Variants in COL24A1 observed in about 807,000 individuals in gnomAD.
COL24A1 encodes collagen type XXIV alpha 1 chain.
In COL24A1, 224 loss-of-function variants were observed where a neutral mutation model predicts 253.9. The ratio of observed to expected loss-of-function variants is 0.88; its 90% CI spans 0.79 to 0.99. The LOEUF is 0.99. Ranked by LOEUF, COL24A1 falls within the 50% of genes least tolerant of loss-of-function variation. COL24A1 has a pLI of 0.00. For missense variants in COL24A1, 2,131 were observed against 2,068.5 expected, an observed-to-expected ratio of 1.03 and a Z score of -0.59; for synonymous variants, 685 against 673.7, an observed-to-expected ratio of 1.02 and a Z score of -0.26.
At chr1:85,911,132 A>G (rs1685319792) in intron 25 of COL24A1, among the ~76,000 whole-genome samples, 1 of 152,016 alleles carries the variant, frequency 6.6e-6, no homozygotes, top group Non-Finnish European at 1.5e-5. Context: ...TTTTCTAGTC[A>G]GAAATCTAGA....
chr1:85,833,253 G>A (rs1675559643), intron 43 of COL24A1, among the ~76,000 whole-genome samples: 1 of 152,100 alleles, frequency 6.6e-6, no homozygotes, highest in Non-Finnish European at 1.5e-5. Flanking sequence ...AATCTACAAT[G>A]AACTCAAGCA....
intron 24 of COL24A1, among the ~76,000 whole-genome samples, chr1:85,926,642 G>T (rs1166820352): frequency 6.6e-6 from 1 of 150,542 alleles, no homozygotes; most frequent in African/African-American, 2.4e-5. Context: ...ACAGGGCGGG[G>T]AACATCACAC....
At chr1:86,003,553 CT>C in intron 19 of COL24A1, among the ~76,000 whole-genome samples, 1 of 152,192 alleles carries the variant, frequency 6.6e-6, no homozygotes. Context: ...GTTGGGTCAG[CT>C]TGGTAGGCAG....
chr1:85,730,784 T>A, intron 59 of COL24A1, 92 bp from the exon 60 acceptor site: 1 of 1,338,836 alleles, frequency 7.5e-7, no homozygotes. Context: ...GAACTTGTTT[T>A]AAGGATTAGA....
chr1:85,902,418 G>A (rs1644633495), intron 28 of COL24A1, among the ~76,000 whole-genome samples: 1 of 152,106 alleles, frequency 6.6e-6, no homozygotes, highest in Non-Finnish European at 1.5e-5. Flanking sequence ...CCCTAGAAAT[G>A]TTTACCACTT....
At chr1:85,908,762 C>T (rs1685086220) in intron 26 of COL24A1, 111 bp from the exon 27 acceptor site, 1 of 454,374 alleles carries the variant, frequency 2.2e-6, no homozygotes. Flanking sequence ...TAATTTGACA[C>T]AATGTTTCTT....
chr1:85,910,128 C>A (rs1685225360), intron 25 of COL24A1, 125 bp from the exon 26 acceptor site: 3 of 555,480 alleles, frequency 5.4e-6, no homozygotes, highest in Non-Finnish European at 6.0e-6. Flanking sequence ...ATTTTTATTT[C>A]CAATAATTTT....
chr1:85,874,792 C>T (rs146564059), intron 34 of COL24A1, 90 bp from the exon 35 acceptor site: 321 of 1,405,438 alleles, frequency 2.3e-4, no homozygotes, highest in African/African-American at 2.1e-3. Flanking sequence ...AGTTCCCCAA[C>T]GCCTGGGCCG....
chr1:85,902,655 G>T (rs72712712), intron 28 of COL24A1, among the ~76,000 whole-genome samples: 3,464 of 152,248 alleles, frequency 0.023, 73 homozygotes, highest in South Asian at 0.092. Flanking sequence ...AATGGGGGCT[G>T]GAGGTGATCT....
At chr1:86,099,271 A>G (rs1294504117) in intron 5 of COL24A1, among the ~76,000 whole-genome samples, 1 of 152,224 alleles carries the variant, frequency 6.6e-6, no homozygotes, top group African/African-American at 2.4e-5. Context: ...AGGAAACTTT[A>G]TAACTTTAAA....
rs114074662 is a variant in COL24A1 at position 85,979,166 on chromosome 1, A to C, written c.2365-7773T>G. ...ACGATAATAGTGACACAACCTATGAAAACCACTGGGATACGGCAAAAGCAG... is the reference window on the plus strand; with the variant it reads ...ACGATAATAGTGACACAACCTATGACAACCACTGGGATACGGCAAAAGCAG... On this transcript the variant is annotated intron_variant, in intron 20 of 59. Coordinates refer to ENST00000370571, the MANE Select transcript of COL24A1 (RefSeq NM_152890.7). Among the ~76,000 whole-genome samples, 382 of 152,300 alleles carry C rather than the reference A, an allele frequency of 2.5e-3. 1 individual carries two copies. The highest frequency in any genetic ancestry group is 7.9e-3 in the African/African-American group (327 of 41,574).
rs756497281 is a variant in COL24A1 at position 85,971,355 on chromosome 1, ACCAGGAGGT to A, written c.2394_2402del (p.Pro799_Gly801del). On this transcript the variant is annotated inframe_deletion, in exon 21 of 60. Coordinates refer to ENST00000370571, the MANE Select transcript of COL24A1 (RefSeq NM_152890.7). ...TCTTCCATACCTGAGTTCCTTTGAG[ACCAGGAGGT>A]CCAGGAGGTCCTCTATTTCCAAGGA... The A allele has an allele frequency of 5.0e-6, 8 of 1,612,758 alleles. No individual in the cohort carries two copies. The highest frequency in any genetic ancestry group is 4.5e-5 in the East Asian group (2 of 44,830).
chr1:86,050,167 C>A lies in COL24A1; in HGVS notation c.1862G>T (p.Gly621Val), dbSNP rs751682975. 3.1e-6 allele frequency: 5 copies of A among 1,613,136 alleles called. No homozygotes were observed. The highest frequency in any genetic ancestry group is 3.4e-6 in the Non-Finnish European group (4 of 1,179,312). ...CAGTTGTCCCGCTTCTCCAGGAGAGCCAATAAAACCCTTAAAACAAGAAAA... is the reference window on the plus strand; with the variant it reads ...CAGTTGTCCCGCTTCTCCAGGAGAGACAATAAAACCCTTAAAACAAGAAAA... The part of the protein sequence containing the change: ...PGPKGAQGFI[G>V]SPGEAGQLGP... The change falls in exon 11 of 60, where the codon GGC (glycine) becomes GTC (valine). Residue 621 changes from glycine to valine, a missense_variant. Transcript: ENST00000370571.
chr1:85,756,740 G>C (rs890440045), intron 55 of COL24A1, among the ~76,000 whole-genome samples: 1 of 152,146 alleles, frequency 6.6e-6, no homozygotes, highest in African/African-American at 2.4e-5. Flanking sequence ...TGAAAGTGAA[G>C]ACTCCAACAG....
intron 38 of COL24A1, among the ~76,000 whole-genome samples, chr1:85,848,954 TAGAA>T (rs1677450618): frequency 1.3e-5 from 2 of 152,148 alleles, no homozygotes; most frequent in African/African-American, 4.8e-5. Flanking sequence ...AAAACCAACT[TAGAA>T]AAACACATTG....
intron 39 of COL24A1, among the ~76,000 whole-genome samples, chr1:85,843,604 C>CA (rs1676854829): frequency 6.6e-6 from 1 of 151,886 alleles, no homozygotes; most frequent in Non-Finnish European, 1.5e-5. Flanking sequence ...TGAAAATATG[C>CA]AAAGAAAAAA....
intron 8 of COL24A1, among the ~76,000 whole-genome samples, chr1:86,063,435 G>A (rs1042846341): frequency 1.3e-5 from 2 of 151,830 alleles, no homozygotes; most frequent in African/African-American, 4.8e-5. Context: ...TAGTATTTAT[G>A]AGACTCTCAA....
At chr1:85,768,879 G>C (rs927636062) in intron 53 of COL24A1, among the ~76,000 whole-genome samples, 7 of 152,056 alleles carry the variant, frequency 4.6e-5, no homozygotes, top group African/African-American at 7.2e-5. Flanking sequence ...TATGTATCCG[G>C]TGCTATAATA....
rs1044587584 is a variant in COL24A1, at chr1:85,783,393, T to C, written c.4284+103A>G. The C allele has an allele frequency of 5.5e-6, 5 of 914,438 alleles. No individual in the cohort carries two copies. The African/African-American group carries it at 8.3e-5, about 15-fold the overall frequency. 56.6% of individuals were successfully genotyped at this position (914,438 alleles called of 1,614,324 possible). The stretch of plus-strand genomic sequence containing the variant: ...TATGAGTTTCTACCTTAAAAGTCAT[T>C]TCATTAAGTTATTTACTTGAAGTAC... On this transcript the variant is annotated intron_variant, in intron 51 of 59. Transcript: ENST00000370571.
Sources: gnomAD v4.1 joint callset for allele counts (sites outside exome capture counted in the v4.1 genomes callset) on GRCh38, gnomAD v4.1.1 for gene constraint, MANE v1.5 for transcripts, NCBI Gene and HGNC (gene_info 2026-07-23, HGNC 2026-07-21) for gene names.